The following IREB2 variants were observed in gnomAD, a reference collection of about 807,000 sequenced individuals.
IREB2 encodes iron responsive element binding protein 2.
Under a neutral mutation model 118.8 loss-of-function variants are expected in IREB2, and 39 were observed. The ratio of observed to expected loss-of-function variants is 0.33; its 90% CI spans 0.25 to 0.43. IREB2 has a LOEUF of 0.43. IREB2 is among the 20% of genes least tolerant of loss of function. The pLI is 1.00. For missense variants in IREB2, 900 were observed against 1,147.3 expected (o/e 0.78, Z 3.11); for synonymous variants, 372 against 392.2 (o/e 0.95, Z 0.61).
At chr15:78,494,438 CATCTA>C (rs1306960444) in intron 20 of IREB2, among the ~76,000 whole-genome samples, 174 bp downstream of exon 20, 2 of 152,244 alleles carry the variant, frequency 1.3e-5, no homozygotes, top group East Asian at 3.9e-4. Context: ...ATTTTGTACT[CATCTA>C]GTTAGTATCA....
intron 2 of IREB2, among the ~76,000 whole-genome samples, chr15:78,446,789 C>G (rs865828239): frequency 2.6e-5 from 4 of 151,354 alleles, no homozygotes; most frequent in Middle Eastern, 3.4e-3. Context: ...CTGCTGTAGC[C>G]AAGGAGGCCA....
intron 2 of IREB2, 134 bp from the exon 3 acceptor site, chr15:78,462,788 C>A: frequency 1.6e-6 from 1 of 625,536 alleles, no homozygotes; most frequent in Non-Finnish European, 2.7e-6. Flanking sequence ...TCTAGTTTGT[C>A]AGACTAAAAA....
At chr15:78,488,087 C>T in intron 14 of IREB2, 93 bp from the exon 15 acceptor site, 3 of 1,230,750 alleles carry the variant, frequency 2.4e-6, no homozygotes, top group Non-Finnish European at 3.4e-6. Context: ...TTAATCTCGC[C>T]CTCAGACTTT....
chr15:78,445,958 A>C (rs892003354), intron 2 of IREB2, among the ~76,000 whole-genome samples: 2 of 151,808 alleles, frequency 1.3e-5, no homozygotes, highest in African/African-American at 4.8e-5. Context: ...CTAAATTTTA[A>C]ATGTTTTGTA....
At position 78,497,154 on chromosome 15, in the gene IREB2, A is replaced by T. The variant is rs151047015; in HGVS notation, c.2624A>T (p.Tyr875Phe). 1 of 1,613,872 alleles carries T rather than the reference A, an allele frequency of 6.2e-7. No homozygotes were observed. Residue 875 changes from tyrosine (Y) to phenylalanine (F), a missense_variant, in exon 21 of 22, where the codon TAT becomes TTT. Tyr to Phe is a conservative substitution (Grantham distance 22). Coordinates refer to ENST00000258886, the MANE Select transcript of IREB2 (RefSeq NM_004136.4). Reference sequence around the variant, plus strand: ...GTGAAAGCTGTTTTGGCCGAAAGTTATGAAAAAATACACAAAGATCATTTG... The same window carrying T: ...GTGAAAGCTGTTTTGGCCGAAAGTTTTGAAAAAATACACAAAGATCATTTG... ...LGVKAVLAESYEKIHKDHLIG... is the reference protein window; with the variant it reads ...LGVKAVLAESFEKIHKDHLIG...
intron 10 of IREB2, among the ~76,000 whole-genome samples, chr15:78,482,626 G>A (rs1203049480): frequency 2.0e-5 from 3 of 151,606 alleles, no homozygotes; most frequent in East Asian, 1.9e-4. Flanking sequence ...ATCACAGAGC[G>A]GGCAGGAGGG....
At chr15:78,461,336 T>C (rs1441965253) in intron 2 of IREB2, among the ~76,000 whole-genome samples, 1 of 152,194 alleles carries the variant, frequency 6.6e-6, no homozygotes, top group East Asian at 1.9e-4. Flanking sequence ...ATCTAAAACC[T>C]GTCCTCTGGA....
intron 2 of IREB2, among the ~76,000 whole-genome samples, chr15:78,449,183 G>GT (rs2050981393): frequency 6.6e-6 from 1 of 152,092 alleles, no homozygotes; most frequent in East Asian, 1.9e-4. Flanking sequence ...ATACCATTCT[G>GT]TTTCCCGGTT....
At chr15:78,481,930 G>A (rs2051580851) in intron 10 of IREB2, 2 of 152,226 alleles carry the variant, frequency 1.3e-5, no homozygotes, top group East Asian at 1.9e-4. Flanking sequence ...GACTAGGATC[G>A]CCTGAATCCA....
chr15:78,480,603 C>T lies in IREB2; in HGVS notation c.1296+2206C>T, dbSNP rs531177162. Among the ~76,000 whole-genome samples the T allele has an allele frequency of 8.2e-3, 1,172 of 142,602 alleles. 18 individuals are homozygous for T. The highest frequency in any genetic ancestry group is 0.029 in the African/African-American group (1,101 of 38,446). 93.6% of individuals were successfully genotyped at this position (142,602 alleles called of 152,430 possible). A position where few individuals can be genotyped will look rare whatever the true frequency, so the allele number is the denominator to read the frequency against. On this transcript the variant is annotated intron_variant, in intron 10 of 21. Transcript: ENST00000258886. ...ACTCAGGAGGCTGAGGCATGAGAAT[C>T]GCTTGAACCCAGAAGGCGGAGGTTG...
At chr15:78,462,095 A>G (rs769008345) in intron 2 of IREB2, among the ~76,000 whole-genome samples, 22 of 152,308 alleles carry the variant, frequency 1.4e-4, no homozygotes, top group Middle Eastern at 3.4e-3. Flanking sequence ...TATTATGGAT[A>G]TGTTTTTAAA....
intron 9 of IREB2, 112 bp from the exon 10 acceptor site, chr15:78,478,185 G>C (rs2051505051): frequency 1.5e-6 from 1 of 668,174 alleles, no homozygotes; most frequent in East Asian, 2.9e-5. Flanking sequence ...AGTGAGCTGT[G>C]ATTGCAGCAC....
rs2051536240 is a variant in IREB2, at chr15:78,479,861, C to CA, written c.1296+1465dup. On this transcript the variant is annotated intron_variant, in intron 10 of 21. Transcript: ENST00000258886. Reference sequence around the variant, plus strand: ...GCTTGAGCCCAGGAGGTCAAGGCTGCAGTGAGCTGTGGTCATGCCACTGCA... The same window carrying CA: ...GCTTGAGCCCAGGAGGTCAAGGCTGCAAGTGAGCTGTGGTCATGCCACTGCA... 4.0e-5 allele frequency among the ~76,000 whole-genome samples: 6 copies of CA among 149,100 alleles called. No individual in the cohort carries two copies. The South Asian group carries it at 1.3e-3, about 31-fold the overall frequency.
intron 2 of IREB2, among the ~76,000 whole-genome samples, chr15:78,461,238 A>T (rs1446685740): frequency 1.3e-5 from 2 of 152,188 alleles, no homozygotes; most frequent in African/African-American, 4.8e-5. Flanking sequence ...GACATCTATA[A>T]AGCTTAGATG....
At chr15:78,468,298 C>A (rs961798003) in intron 5 of IREB2, among the ~76,000 whole-genome samples, 6 of 151,988 alleles carry the variant, frequency 3.9e-5, no homozygotes, top group Admixed American at 2.0e-4. Flanking sequence ...GCTGAGGTGC[C>A]GTGGCACCAT....
intron 14 of IREB2, 67 bp downstream of exon 14, chr15:78,487,884 G>T: frequency 1.0e-6 from 1 of 988,108 alleles, no homozygotes; most frequent in South Asian, 1.4e-5. Flanking sequence ...CTAAATTATA[G>T]AAAATATATA....
intron 1 of IREB2, 66 bp downstream of exon 1, chr15:78,438,422 C>T: frequency 3.9e-6 from 6 of 1,548,212 alleles, no homozygotes; most frequent in Non-Finnish European, 5.3e-6. Context: ...CGCCGAATTC[C>T]TTGCTTTTCT....
chr15:78,481,192 T>C (rs926266212), intron 10 of IREB2, among the ~76,000 whole-genome samples: 2 of 152,186 alleles, frequency 1.3e-5, no homozygotes, highest in Non-Finnish European at 2.9e-5. Context: ...GAAGCTGCAG[T>C]GAGCTATGAT....
chr15:78,476,020 T>G (rs2051463371), intron 8 of IREB2, 168 bp from the exon 9 acceptor site: 1 of 473,634 alleles, frequency 2.1e-6, no homozygotes. Context: ...ACTTCTTATC[T>G]TAAAATACCC....
Sources: gnomAD v4.1 joint callset for allele counts (sites outside exome capture counted in the v4.1 genomes callset) on GRCh38, gnomAD v4.1.1 for gene constraint, MANE v1.5 for transcripts, NCBI Gene and HGNC (gene_info 2026-07-23, HGNC 2026-07-21) for gene names.